The following MTHFD1L variants were observed in gnomAD, a reference collection of about 807,000 sequenced individuals.
MTHFD1L encodes monofunctional C1-tetrahydrofolate synthase, mitochondrial.
MTHFD1L carries 81 observed loss-of-function variants against 119.5 expected under a neutral mutation model. The ratio of observed to expected loss-of-function variants is 0.68; its 90% CI spans 0.57 to 0.82. The LOEUF (loss-of-function observed/expected upper bound fraction) is 0.82. Ranked by LOEUF, MTHFD1L falls within the 40% of genes least tolerant of loss-of-function variation. MTHFD1L has a pLI of 0.00. For synonymous variants in MTHFD1L, 430 were observed against 475.2 expected, an observed-to-expected ratio of 0.90 and a Z score of 1.24; for missense variants, 1,125 against 1,253.4, an observed-to-expected ratio of 0.90 and a Z score of 1.55.
At chr6:150,952,441 G>C (rs896987466) in intron 16 of MTHFD1L, among the ~76,000 whole-genome samples, 1 of 152,198 alleles carries the variant, frequency 6.6e-6, no homozygotes, top group African/African-American at 2.4e-5. Flanking sequence ...GTGCACGGTG[G>C]TGGGAGTGAG....
intron 24 of MTHFD1L, among the ~76,000 whole-genome samples, chr6:151,033,540 A>T (rs958043225): frequency 6.6e-6 from 1 of 152,156 alleles, no homozygotes; most frequent in African/African-American, 2.4e-5. Context: ...GTTTCTGAAG[A>T]TCCCTTGCCG....
intron 16 of MTHFD1L, among the ~76,000 whole-genome samples, chr6:150,953,531 G>A (rs1332217599): frequency 1.3e-5 from 2 of 152,112 alleles, no homozygotes; most frequent in African/African-American, 2.4e-5. Flanking sequence ...TCCACCTTTA[G>A]TTCTATCATT....
chr6:150,914,094 C>T (rs1583524079), intron 8 of MTHFD1L, among the ~76,000 whole-genome samples: 1 of 152,104 alleles, frequency 6.6e-6, no homozygotes. Flanking sequence ...CGCACCACTG[C>T]ACTCCAGCCT....
chr6:151,067,880 A>C (rs1791507846), intron 26 of MTHFD1L, among the ~76,000 whole-genome samples: 1 of 152,194 alleles, frequency 6.6e-6, no homozygotes, highest in Non-Finnish European at 1.5e-5. Flanking sequence ...TGCCGATGTC[A>C]TGGGGACACC....
At chr6:151,059,803 G>T (rs1425248290) in intron 26 of MTHFD1L, among the ~76,000 whole-genome samples, 3 of 152,194 alleles carry the variant, frequency 2.0e-5, no homozygotes, top group African/African-American at 7.2e-5. Flanking sequence ...TTACGGGATG[G>T]TAAGGGAAGG....
intron 26 of MTHFD1L, among the ~76,000 whole-genome samples, chr6:151,050,451 C>T (rs1041120550): frequency 2.6e-5 from 4 of 152,302 alleles, no homozygotes; most frequent in African/African-American, 7.2e-5. Context: ...CGTGAGCCAC[C>T]GTGCCTGGCC....
chr6:150,926,520 A>G lies in MTHFD1L; in HGVS notation c.1256+225A>G, dbSNP rs540961118. Among the ~76,000 whole-genome samples the G allele has an allele frequency of 2.6e-5, 4 of 152,278 alleles. No homozygotes were observed. In the East Asian group the frequency reaches 7.7e-4, roughly 29 times the overall value. ...AAAGTCAAACAAGTTGCAGTGCTTT[A>G]TCTTTTGTTTCTCATATTATGTTGT... On this transcript the variant is annotated intron_variant, in intron 11 of 27. Coordinates refer to ENST00000367321, the MANE Select transcript of MTHFD1L (RefSeq NM_015440.5). This position sits in a 1 kb window ranked among gnomAD's most constrained non-coding sequence, Gnocchi z 4.3.
intron 26 of MTHFD1L, among the ~76,000 whole-genome samples, chr6:151,048,381 C>A (rs1315806696): frequency 6.6e-6 from 1 of 152,092 alleles, no homozygotes; most frequent in Non-Finnish European, 1.5e-5. Flanking sequence ...ATTAAATTAC[C>A]ACCTCCCCCA....
chr6:151,057,300 A>G (rs1177704605), intron 26 of MTHFD1L: 8 of 985,276 alleles, frequency 8.1e-6, no homozygotes, highest in Admixed American at 1.2e-4. Flanking sequence ...ACATATGGAA[A>G]ATTGGAGGCA....
intron 27 of MTHFD1L, among the ~76,000 whole-genome samples, chr6:151,101,083 C>T (rs1255075952): frequency 1.2e-4 from 18 of 152,026 alleles, no homozygotes; most frequent in African/African-American, 2.9e-4. Context: ...TGCTTGAACC[C>T]GGGAGACGGA....
chr6:151,044,970 C>T (rs1205369547), intron 26 of MTHFD1L, among the ~76,000 whole-genome samples: 1 of 152,142 alleles, frequency 6.6e-6, no homozygotes, highest in Non-Finnish European at 1.5e-5. Context: ...GTTTGTTTTC[C>T]GTCCCCCTCC....
At chr6:150,918,225 C>A (rs1387358702) in intron 8 of MTHFD1L, among the ~76,000 whole-genome samples, 1 of 152,074 alleles carries the variant, frequency 6.6e-6, no homozygotes, top group Non-Finnish European at 1.5e-5. Flanking sequence ...GCCACCATGT[C>A]CAGCTGATTT....
At chr6:151,014,395 A>G (rs1430642389) in intron 22 of MTHFD1L, among the ~76,000 whole-genome samples, 1 of 152,232 alleles carries the variant, frequency 6.6e-6, no homozygotes, top group Non-Finnish European at 1.5e-5. Context: ...ACAAATATGA[A>G]GCTTACACTT....
At chr6:150,889,189 TA>T (rs914651104) in intron 7 of MTHFD1L, among the ~76,000 whole-genome samples, 1 of 125,012 alleles carries the variant, frequency 8.0e-6, no homozygotes, top group African/African-American at 3.2e-5. Flanking sequence ...AAAAAAAAGC[TA>T]AAACATTAAC....
At chr6:150,988,216 C>T (rs1487229884) in intron 20 of MTHFD1L, among the ~76,000 whole-genome samples, 6 of 152,146 alleles carry the variant, frequency 3.9e-5, no homozygotes, top group African/African-American at 1.2e-4. Flanking sequence ...TTTTGAAATT[C>T]ATAAAATGCA....
At position 150,960,300 on chromosome 6, in the gene MTHFD1L, G is replaced by A; in HGVS notation, c.1829G>A (p.Ser610Asn). 6.2e-7 allele frequency: 1 copy of A among 1,613,776 alleles called. No homozygotes were observed. The highest frequency in any genetic ancestry group is 1.1e-5 in the South Asian group (1 of 91,038). ...GCGCAGTTTGACATCGCAGTGGCCA[G>A]CGAGATCATGGCGGTGCTGGCCCTG... ...RQAQFDIAVA[S>N]EIMAVLALTD... The change falls in exon 18 of 28, where the codon AGC becomes AAC. Residue 610 changes from serine to asparagine, a missense_variant. Around this residue, in one of 3 missense-constraint regions of MTHFD1L, gnomAD observed 1,058 missense variants for 1,151.2 expected, o/e 0.92. Coordinates refer to ENST00000367321, the MANE Select transcript of MTHFD1L (RefSeq NM_015440.5).
chr6:150,946,042 G>C (rs552144664), intron 15 of MTHFD1L, among the ~76,000 whole-genome samples: 1 of 152,254 alleles, frequency 6.6e-6, no homozygotes, highest in East Asian at 1.9e-4. Context: ...TTTTTGGTGA[G>C]TCCTTCTCTT....
intron 26 of MTHFD1L, among the ~76,000 whole-genome samples, chr6:151,067,151 G>A (rs750942723): frequency 5.3e-5 from 8 of 150,940 alleles, no homozygotes; most frequent in South Asian, 4.2e-4. Flanking sequence ...GCACCACCAC[G>A]CCTGGCTAAT....
chr6:150,981,954 G>A (rs377679067), intron 20 of MTHFD1L, among the ~76,000 whole-genome samples: 12 of 152,062 alleles, frequency 7.9e-5, no homozygotes, highest in African/African-American at 2.9e-4. Flanking sequence ...AGGTTTGGTG[G>A]CACATGCCTG....
Sources: allele counts gnomAD v4.1 joint callset (sites outside exome capture counted in the v4.1 genomes callset), GRCh38; gene constraint gnomAD v4.1.1; regional missense constraint gnomAD v4.1.1; non-coding constraint Gnocchi (gnomAD v3.1); transcripts MANE v1.5; gene names NCBI Gene and HGNC (gene_info 2026-07-23, HGNC 2026-07-21).